The following PLCB1 variants were observed in gnomAD, a reference collection of about 807,000 sequenced individuals.
The protein encoded by PLCB1 is 1-phosphatidylinositol 4,5-bisphosphate phosphodiesterase beta-1.
PLCB1 carries 46 observed loss-of-function variants against 161.8 expected under a neutral mutation model. That is an observed-to-expected ratio of 0.28 (90% confidence interval 0.22 to 0.36). The LOEUF (loss-of-function observed/expected upper bound fraction) is 0.36, where lower values mean the gene tolerates loss of function less well. Among genes scored for constraint, PLCB1 ranks in the 10% least tolerant of loss-of-function variants. The pLI, the probability that PLCB1 is intolerant of heterozygous loss-of-function variation, is 1.00. For synonymous variants in PLCB1, 517 were observed against 503.7 expected (o/e 1.03, Z -0.35); for missense variants, 1,016 against 1,472.5 (o/e 0.69, Z 5.07).
At chr20:8,713,965 G>A (rs1979160740) in intron 12 of PLCB1, among the ~76,000 whole-genome samples, 1 of 152,060 alleles carries the variant, frequency 6.6e-6, no homozygotes, top group Non-Finnish European at 1.5e-5. Context: ...AAAGAATATG[G>A]TTCCCTGGAA....
chr20:8,602,905 G>T (rs1319507890), intron 3 of PLCB1, among the ~76,000 whole-genome samples: 1 of 152,236 alleles, frequency 6.6e-6, no homozygotes. Context: ...GTTCAGAGGT[G>T]TGGTTCAGTT....
intron 2 of PLCB1, among the ~76,000 whole-genome samples, chr20:8,261,830 T>C (rs1207360834): frequency 6.6e-6 from 1 of 152,158 alleles, no homozygotes; most frequent in Non-Finnish European, 1.5e-5. Flanking sequence ...AAGCATTGTA[T>C]TTAGTATTGA....
At chr20:8,200,738 T>C (rs888302437) in intron 2 of PLCB1, among the ~76,000 whole-genome samples, 1 of 152,032 alleles carries the variant, frequency 6.6e-6, no homozygotes. Context: ...ATTTTTCTCA[T>C]CTCCTTGAAT....
intron 4 of PLCB1, among the ~76,000 whole-genome samples, chr20:8,631,642 T>G (rs1988592091): frequency 6.6e-6 from 1 of 152,172 alleles, no homozygotes. Context: ...AAATGTGACC[T>G]TTTAGCACAG....
At chr20:8,353,285 T>C (rs569596551) in intron 2 of PLCB1, among the ~76,000 whole-genome samples, 1 of 152,250 alleles carries the variant, frequency 6.6e-6, no homozygotes, top group South Asian at 2.1e-4. Flanking sequence ...CAACTCAAAG[T>C]ATAAAATAAG....
chr20:8,524,705 T>C (rs1306375465), intron 3 of PLCB1, among the ~76,000 whole-genome samples: 1 of 152,208 alleles, frequency 6.6e-6, no homozygotes, highest in Non-Finnish European at 1.5e-5. Flanking sequence ...CTTGGGATCC[T>C]GACACTTTTC....
At chr20:8,516,291 A>G (rs1233625166) in intron 3 of PLCB1, among the ~76,000 whole-genome samples, 1 of 152,190 alleles carries the variant, frequency 6.6e-6, no homozygotes, top group African/African-American at 2.4e-5. Flanking sequence ...CCATGACAGC[A>G]CATTTCAAGC....
intron 9 of PLCB1, among the ~76,000 whole-genome samples, chr20:8,660,623 A>G (rs1307311325): frequency 6.6e-6 from 1 of 152,122 alleles, no homozygotes; most frequent in African/African-American, 2.4e-5. Context: ...GTGATAGATT[A>G]CTGTAAAACC....
chr20:8,163,002 G>A (rs2051640827), intron 2 of PLCB1, among the ~76,000 whole-genome samples: 1 of 152,124 alleles, frequency 6.6e-6, no homozygotes, highest in Non-Finnish European at 1.5e-5. Context: ...AAAAAGTAAA[G>A]AACAAAAACA....
At chr20:8,676,010 A>G (rs555162094) in intron 9 of PLCB1, among the ~76,000 whole-genome samples, 3 of 152,354 alleles carry the variant, frequency 2.0e-5, no homozygotes, top group African/African-American at 7.2e-5. Flanking sequence ...TAGAGGGACT[A>G]TTTATGTATT....
chr20:8,770,243 C>A (rs371007876), intron 26 of PLCB1, among the ~76,000 whole-genome samples: 2 of 152,216 alleles, frequency 1.3e-5, no homozygotes, highest in East Asian at 3.9e-4. Flanking sequence ...TGAGCCACCA[C>A]GCCCAGCCAA....
At chr20:8,160,637 G>A (rs1368308908) in intron 2 of PLCB1, among the ~76,000 whole-genome samples, 1 of 152,100 alleles carries the variant, frequency 6.6e-6, no homozygotes, top group East Asian at 1.9e-4. Context: ...GGAAAGACCT[G>A]CCCCCATGAT....
intron 3 of PLCB1, among the ~76,000 whole-genome samples, chr20:8,451,042 CT>C (rs1981053147): frequency 6.6e-6 from 1 of 152,146 alleles, no homozygotes; most frequent in South Asian, 2.1e-4. Context: ...TGTTCAAGAA[CT>C]ATAACAGTAG....
chr20:8,172,131 G>A (rs149226244), intron 2 of PLCB1, among the ~76,000 whole-genome samples: 51 of 152,238 alleles, frequency 3.4e-4, no homozygotes, highest in African/African-American at 1.0e-3. Flanking sequence ...ATTTTATTGA[G>A]CATCTACTAA....
chr20:8,786,543 T>A (rs1373641556), intron 27 of PLCB1, among the ~76,000 whole-genome samples: 1 of 152,202 alleles, frequency 6.6e-6, no homozygotes, highest in East Asian at 1.9e-4. Flanking sequence ...TCTGGGTTTG[T>A]ACCCATCTCA....
intron 31 of PLCB1, among the ~76,000 whole-genome samples, chr20:8,828,478 C>CCGT (rs1677913861): frequency 6.6e-6 from 1 of 152,202 alleles, no homozygotes; most frequent in Admixed American, 6.5e-5. Flanking sequence ...CCAAGCCAAT[C>CCGT]CAGACACAAG....
intron 31 of PLCB1, among the ~76,000 whole-genome samples, chr20:8,809,157 A>G (rs982389432): frequency 1.3e-5 from 2 of 151,606 alleles, no homozygotes; most frequent in Non-Finnish European, 2.9e-5. Context: ...TTACCACCAC[A>G]CTTGGCTGAT....
intron 3 of PLCB1, among the ~76,000 whole-genome samples, chr20:8,606,238 T>C (rs1568527169): frequency 1.3e-5 from 2 of 152,204 alleles, no homozygotes; most frequent in African/African-American, 4.8e-5. Context: ...TGTGAGATAG[T>C]AAAAAGACCT....
chr20:8,133,986 A>G (rs1468608926), intron 1 of PLCB1, among the ~76,000 whole-genome samples: 1 of 152,218 alleles, frequency 6.6e-6, no homozygotes, highest in Non-Finnish European at 1.5e-5. Flanking sequence ...GTCTGTGTCT[A>G]TATTTTGTCC....
Sources: gnomAD v4.1 joint callset for allele counts (sites outside exome capture counted in the v4.1 genomes callset) on GRCh38, gnomAD v4.1.1 for gene constraint, MANE v1.5 for transcripts, NCBI Gene and HGNC (gene_info 2026-07-23, HGNC 2026-07-21) for gene names.